Variants in TMEM143 observed in about 807,000 individuals in gnomAD.
TMEM143 encodes transmembrane protein 143.
TMEM143 carries 45 observed loss-of-function variants against 40.3 expected under a neutral mutation model. That is an observed-to-expected ratio of 1.12 (90% CI 0.88 to 1.43). The LOEUF is 1.43. Ranked by LOEUF, TMEM143 falls within the 40% of genes most tolerant of loss-of-function variation. TMEM143 has a pLI of 0.00. For missense variants in TMEM143, 620 were observed against 613.4 expected, an observed-to-expected ratio of 1.01 and a Z score of -0.11; for synonymous variants, 299 against 282.7, an observed-to-expected ratio of 1.06 and a Z score of -0.58.
chr19:48,343,058 A>G (rs1969541345), intron 5 of TMEM143: 1 of 670,120 alleles, frequency 1.5e-6, no homozygotes, highest in South Asian at 2.0e-5. Context: ...CATCTTCAGA[A>G]TGTGGACCTC....
chr19:48,363,054 G>T (rs764350551), intron 2 of TMEM143, among the ~76,000 whole-genome samples: 5 of 152,236 alleles, frequency 3.3e-5, no homozygotes, highest in Admixed American at 2.0e-4. Context: ...CCCAGAGAGT[G>T]CCTGTTCAAG....
At chr19:48,340,413 T>C (rs1296545411) in intron 6 of TMEM143, among the ~76,000 whole-genome samples, 1 of 152,004 alleles carries the variant, frequency 6.6e-6, no homozygotes. Context: ...GTGTGAGCCA[T>C]TGCGCCTGGC....
At chr19:48,348,713 A>G (rs1316967831) in intron 3 of TMEM143, among the ~76,000 whole-genome samples, 1 of 152,160 alleles carries the variant, frequency 6.6e-6, no homozygotes, top group Non-Finnish European at 1.5e-5. Context: ...CCGAGGTCAC[A>G]TGGCCAGGAA....
intron 6 of TMEM143, among the ~76,000 whole-genome samples, chr19:48,341,997 C>A (rs1169938615): frequency 6.6e-6 from 1 of 150,910 alleles, no homozygotes; most frequent in Admixed American, 6.6e-5. Flanking sequence ...GATTAAGAAA[C>A]CCCCCTAAGG....
intron 3 of TMEM143, among the ~76,000 whole-genome samples, chr19:48,349,254 T>C (rs1461077054): frequency 1.3e-5 from 2 of 152,036 alleles, no homozygotes; most frequent in Non-Finnish European, 2.9e-5. Context: ...ACTTTGCACA[T>C]GCTGTTGGAA....
Position 48,342,560 on chromosome 19 carries a change from G to A in TMEM143, c.945C>T (p.Phe315=), listed in dbSNP as rs767308742. Residue 315 remains phenylalanine (F), a synonymous_variant, in exon 6 of 8, where the codon TTC becomes TTT. Coordinates refer to ENST00000293261, the MANE Select transcript of TMEM143 (RefSeq NM_018273.4). The stretch of plus-strand genomic sequence containing the variant: ...AGGCCCGCAGGCCCATGAAGATGGC[G>A]AAGAGCAGCAGCAGCAGGGAGGTGG... ...KVATSLLLLL[F]AIFMGLRASK... 7 of 1,611,498 alleles carry A rather than the reference G, an allele frequency of 4.3e-6. No individual in the cohort carries two copies. Among genetic ancestry groups the A allele is most frequent in the Admixed American group, 3.3e-5 (2 of 59,852 alleles).
In TMEM143 at chr19:48,363,822, G is replaced by A. The variant is rs552082734; in HGVS notation, c.23+76C>T. On this transcript the variant is annotated intron_variant, in intron 1 of 7. Transcript: ENST00000293261. Reference sequence around the variant, plus strand: ...AGCGAGGTAGATCTTAGGAGAGCAGGAAATGCTCGTAAAGGTTACCTAGGG... The same window carrying A: ...AGCGAGGTAGATCTTAGGAGAGCAGAAAATGCTCGTAAAGGTTACCTAGGG... 7.8e-5 allele frequency: 125 copies of A among 1,602,402 alleles called. 1 individual carries two copies. The South Asian group carries it at 1.4e-3, about 17-fold the overall frequency.
rs1969250211 is a variant in TMEM143, at chr19:48,333,088, C to A, written c.*131G>T. 8.3e-6 allele frequency: 6 copies of A among 723,602 alleles called. No homozygotes were observed. The highest frequency in any genetic ancestry group is 1.8e-5 in the African/African-American group (1 of 55,554). 44.8% of individuals were successfully genotyped at this position (723,602 alleles called of 1,614,324 possible). ...GGCTGCTTTGCTTAAGCACACAGTG[C>A]AGCAAAAATAATCACCTGTCAGTTA... On this transcript the variant is annotated 3_prime_UTR_variant, in exon 8 of 8. Coordinates refer to ENST00000293261, the MANE Select transcript of TMEM143 (RefSeq NM_018273.4). The surrounding 1 kb of genome is among the most constrained non-coding windows in gnomAD (Gnocchi z 4.1).
At chr19:48,334,299 C>G in intron 6 of TMEM143, 102 bp from the exon 7 acceptor site, 1 of 1,309,026 alleles carries the variant, frequency 7.6e-7, no homozygotes. Context: ...GCCGCTTACT[C>G]CCCTGAGGAG....
rs778358523 is a variant in TMEM143 at position 48,333,476 on chromosome 19, G to A, written c.1166-43C>T. The A allele has an allele frequency of 3.6e-6, 5 of 1,400,144 alleles. No homozygotes were observed. Among genetic ancestry groups the A allele is most frequent in the Non-Finnish European group, 4.9e-6 (5 of 1,015,288 alleles). 86.7% of individuals were successfully genotyped at this position (1,400,144 alleles called of 1,614,324 possible). A position where few individuals can be genotyped will look rare whatever the true frequency, so the allele number is the denominator to read the frequency against. On this transcript the variant is annotated intron_variant, in intron 7 of 7. Coordinates refer to ENST00000293261, the MANE Select transcript of TMEM143 (RefSeq NM_018273.4). This position sits in a 1 kb window ranked among gnomAD's most constrained non-coding sequence, Gnocchi z 4.1. ...GGTGTTCTGAGGTCACACTGAGATC[G>A]GGGAAGATTCGAGGGAGCAGCAAGG... is the stretch of plus-strand genomic sequence containing the variant.
At chr19:48,338,919 A>G (rs1462488695) in intron 6 of TMEM143, among the ~76,000 whole-genome samples, 1 of 152,178 alleles carries the variant, frequency 6.6e-6, no homozygotes, top group East Asian at 1.9e-4. Flanking sequence ...GGCCAGCCCA[A>G]CAAGAGGAAA....
chr19:48,333,231 A>G lies in TMEM143; in HGVS notation c.1368T>C (p.Ser456=), dbSNP rs747643774. Residue 456 remains serine, a synonymous_variant, in exon 8 of 8, where the codon AGT becomes AGC. Coordinates refer to ENST00000293261, the MANE Select transcript of TMEM143 (RefSeq NM_018273.4). The surrounding 1 kb of genome is among the most constrained non-coding windows in gnomAD (Gnocchi z 4.1). ...AGGTAGGTTCTACTCAGGAGATGTT[A>G]CTGCTGGGCGTGGCTTGCGGGGGCT... is the stretch of plus-strand genomic sequence containing the variant. The part of the protein sequence containing the change: ...TSEPPQATPS[S]NIS 3.4e-6 allele frequency: 5 copies of G among 1,484,872 alleles called. No individual in the cohort carries two copies. The South Asian group carries it at 6.7e-5, about 20-fold the overall frequency. The allele number at this position is 1,484,872 out of a possible 1,614,324, so 92.0% of individuals were successfully genotyped here. A position where few individuals can be genotyped will look rare whatever the true frequency, so the allele number is the denominator to read the frequency against.
Position 48,363,412 on chromosome 19 carries a change from G to T in TMEM143, c.143C>A (p.Ala48Glu), listed in dbSNP as rs745820960. Reference sequence around the variant, plus strand: ...CTTGCGATACTCCCCCATTTTGGCTGCCAGCGATGAGAGGGCCCGGGGGGG... The same window carrying T: ...CTTGCGATACTCCCCCATTTTGGCTTCCAGCGATGAGAGGGCCCGGGGGGG... ...LGPPRALSSL[A>E]AKMGEYRKMW... is the part of the protein sequence containing the mutation. The change falls in exon 2 of 8, where the codon GCA becomes GAA. Residue 48 changes from alanine to glutamate, a missense_variant. Transcript: ENST00000293261. 1.2e-6 allele frequency: 2 copies of T among 1,614,186 alleles called. No homozygotes were observed. The highest frequency in any genetic ancestry group is 1.7e-6 in the Non-Finnish European group (2 of 1,180,034).
chr19:48,334,222 G>T (rs772081347), intron 6 of TMEM143, 25 bp from the exon 7 acceptor site: 92 of 1,567,332 alleles, frequency 5.9e-5, no homozygotes, highest in Non-Finnish European at 7.2e-5. Flanking sequence ...GCGCCCCGTG[G>T]GCTCAGTTCG....
At chr19:48,356,417 C>T (rs1363344343) in intron 3 of TMEM143, among the ~76,000 whole-genome samples, 4 of 142,778 alleles carry the variant, frequency 2.8e-5, no homozygotes, top group Non-Finnish European at 4.5e-5. Flanking sequence ...TGAGTCACCA[C>T]GCCCGGCCCT....
chr19:48,362,410 A>G (rs752334086), intron 2 of TMEM143, among the ~76,000 whole-genome samples: 19 of 151,948 alleles, frequency 1.3e-4, no homozygotes, highest in Non-Finnish European at 2.8e-4. Flanking sequence ...CAAGAGTCCC[A>G]GCCTCTCGGG....
chr19:48,363,364 C>T lies in TMEM143; in HGVS notation c.191G>A (p.Arg64His). ...CTCGCGGTACTGCTGGGCCCAGTCG[C>T]GGGGCTCCCTGGGGTTCCACATCTT... is the stretch of plus-strand genomic sequence containing the variant. ...YRKMWNPREPRDWAQQYRERF... is the reference protein window; with the variant it reads ...YRKMWNPREPHDWAQQYRERF... Residue 64 changes from arginine (R) to histidine (H), a missense_variant, in exon 2 of 8, where the codon CGC (arginine) becomes CAC (histidine). Transcript: ENST00000293261. 1 of 1,614,164 alleles carries T rather than the reference C, an allele frequency of 6.2e-7. No individual in the cohort carries two copies. Among genetic ancestry groups the T allele is most frequent in the Non-Finnish European group, 8.5e-7 (1 of 1,180,018 alleles).
intron 3 of TMEM143, chr19:48,359,793 C>T (rs952793220): frequency 2.8e-5 from 8 of 287,222 alleles, no homozygotes; most frequent in Non-Finnish European, 4.6e-5. Context: ...AGGCGTGAGC[C>T]ACCGCGCCCG....
At chr19:48,337,159 C>T (rs938420063) in intron 6 of TMEM143, among the ~76,000 whole-genome samples, 5 of 152,330 alleles carry the variant, frequency 3.3e-5, no homozygotes, top group South Asian at 2.1e-4. Context: ...AAACCCTTAC[C>T]GGCTGCCCCT....
Sources: allele counts gnomAD v4.1 joint callset (sites outside exome capture counted in the v4.1 genomes callset), GRCh38; gene constraint gnomAD v4.1.1; non-coding constraint Gnocchi (gnomAD v3.1); transcripts MANE v1.5; gene names NCBI Gene and HGNC (gene_info 2026-07-23, HGNC 2026-07-21).